Variants in CXCL13 observed in about 807,000 individuals in gnomAD.
CXCL13 encodes C-X-C motif chemokine 13.
Under a neutral mutation model 12.2 loss-of-function variants are expected in CXCL13, and 7 were observed. The ratio of observed to expected loss-of-function variants is 0.57; its 90% CI spans 0.33 to 1.07. CXCL13 has a LOEUF of 1.07. Among genes scored for constraint, CXCL13 ranks in the 50% least tolerant of loss-of-function variants. The pLI is 0.04. For missense variants in CXCL13, 113 were observed against 127.4 expected (o/e 0.89, Z 0.55); for synonymous variants, 47 against 42.4 (o/e 1.11, Z -0.42).
chr4:77,512,145 T>C (rs893198515), intron 1 of CXCL13, among the ~76,000 whole-genome samples: 2 of 152,194 alleles, frequency 1.3e-5, no homozygotes, highest in East Asian at 3.8e-4. Flanking sequence ...TACTTCCATA[T>C]TATTCAATGA....
intron 1 of CXCL13, among the ~76,000 whole-genome samples, chr4:77,534,385 A>G (rs977298315): frequency 4.6e-5 from 7 of 152,208 alleles, no homozygotes; most frequent in African/African-American, 1.7e-4. Flanking sequence ...ATGGCACATC[A>G]TACATGAAAT....
At chr4:77,607,143 A>T (rs2109837954) in intron 1 of CXCL13, among the ~76,000 whole-genome samples, 1 of 152,322 alleles carries the variant, frequency 6.6e-6, no homozygotes, top group Middle Eastern at 3.4e-3. Context: ...CTCTTGAGCC[A>T]GGTCATGTCC....
At chr4:77,590,130 G>A (rs909580418) in intron 1 of CXCL13, among the ~76,000 whole-genome samples, 1 of 152,112 alleles carries the variant, frequency 6.6e-6, no homozygotes, top group African/African-American at 2.4e-5. Flanking sequence ...GTACTGCGTG[G>A]CTCCGGGAAA....
At chr4:77,516,155 A>C (rs969132363) in intron 1 of CXCL13, among the ~76,000 whole-genome samples, 3 of 152,216 alleles carry the variant, frequency 2.0e-5, no homozygotes, top group Admixed American at 1.3e-4. Flanking sequence ...CCAGAGATGA[A>C]GCCCACTTGA....
chr4:77,603,869 C>T (rs1052477425), upstream of CXCL13, among the ~76,000 whole-genome samples: 1 of 152,158 alleles, frequency 6.6e-6, no homozygotes, highest in African/African-American at 2.4e-5. Flanking sequence ...CTACATATAC[C>T]AGGTGCTTTC....
intron 1 of CXCL13, among the ~76,000 whole-genome samples, chr4:77,568,070 C>T (rs1725979635): frequency 6.6e-6 from 1 of 152,158 alleles, no homozygotes; most frequent in South Asian, 2.1e-4. Context: ...CAGGCTGAAC[C>T]CCAATTCTGG....
At chr4:77,607,992 G>C (rs1045310728) in intron 2 of CXCL13, among the ~76,000 whole-genome samples, 157 bp downstream of exon 2, 1 of 152,200 alleles carries the variant, frequency 6.6e-6, no homozygotes, top group African/African-American at 2.4e-5. Context: ...ATAATTAAGA[G>C]CTTAGTTTGC....
intron 1 of CXCL13, among the ~76,000 whole-genome samples, chr4:77,596,154 G>A (rs1221365912): frequency 2.0e-5 from 3 of 152,164 alleles, no homozygotes; most frequent in African/African-American, 4.8e-5. Context: ...CTGTTGTCCC[G>A]GAAGGGAGCT....
chr4:77,544,790 C>A (rs1015272037), intron 1 of CXCL13, among the ~76,000 whole-genome samples: 2 of 152,144 alleles, frequency 1.3e-5, no homozygotes, highest in Non-Finnish European at 2.9e-5. Context: ...GTTGCCATTG[C>A]TTTTGGTATT....
intron 1 of CXCL13, among the ~76,000 whole-genome samples, chr4:77,562,070 G>A (rs987888654): frequency 9.9e-5 from 15 of 152,272 alleles, no homozygotes; most frequent in East Asian, 1.9e-4. Context: ...CCAGGGCTGC[G>A]CTCGAATTCT....
intron 1 of CXCL13, among the ~76,000 whole-genome samples, chr4:77,517,816 T>G (rs1002253366): frequency 1.7e-4 from 26 of 152,230 alleles, no homozygotes; most frequent in Admixed American, 1.6e-3. Flanking sequence ...CATTTAAAGT[T>G]AATATTGTTA....
chr4:77,520,122 G>T (rs1724551255), intron 1 of CXCL13, among the ~76,000 whole-genome samples: 2 of 152,156 alleles, frequency 1.3e-5, no homozygotes, highest in African/African-American at 2.4e-5. Context: ...CTGTAGCCTT[G>T]TAGTATAGTT....
chr4:77,559,603 G>T (rs1432974627), intron 1 of CXCL13, among the ~76,000 whole-genome samples: 4 of 151,964 alleles, frequency 2.6e-5, no homozygotes, highest in African/African-American at 9.7e-5. Context: ...GTGTGTGTGT[G>T]TGTGTGTGAT....
chr4:77,611,009 A>G lies in CXCL13; in HGVS notation c.300A>G (p.Pro100=). The change falls in exon 4 of 4, where the codon CCA becomes CCG. Residue 100 remains proline, a synonymous_variant. Coordinates refer to ENST00000682537, the MANE Select transcript of CXCL13 (RefSeq NM_001371558.1). ...VLRKRSSSTL[P]VPVFKRKIP ...ACAGAAGAAGTTCTTCAACTCTACC[A>G]GTTCCAGTGTTTAAGAGAAAGATTC... 1 of 1,611,502 alleles carries G rather than the reference A, an allele frequency of 6.2e-7. No individual in the cohort carries two copies. Among genetic ancestry groups the G allele is most frequent in the Non-Finnish European group, 8.5e-7 (1 of 1,179,678 alleles).
At chr4:77,580,601 A>C (rs1726305478) in intron 1 of CXCL13, among the ~76,000 whole-genome samples, 1 of 151,866 alleles carries the variant, frequency 6.6e-6, no homozygotes, top group South Asian at 2.1e-4. Context: ...CTGGGATTAC[A>C]GGTGTGAGCC....
At chr4:77,570,549 G>T (rs1251586453) in intron 1 of CXCL13, among the ~76,000 whole-genome samples, 1 of 152,212 alleles carries the variant, frequency 6.6e-6, no homozygotes, top group Non-Finnish European at 1.5e-5. Flanking sequence ...CTCTGCCTGG[G>T]TTCCCACTTT....
chr4:77,569,978 A>G (rs1014594718), intron 1 of CXCL13, among the ~76,000 whole-genome samples: 2 of 152,230 alleles, frequency 1.3e-5, no homozygotes, highest in African/African-American at 4.8e-5. Context: ...CAGCATGCCT[A>G]CAACTATCTG....
rs543962173 is a variant in CXCL13, at chr4:77,594,610, C to G, written c.-42-11214C>G. On this transcript the variant is annotated intron_variant, in intron 1 of 4. Coordinates refer to the CXCL13 transcript ENST00000286758. ...TCTGTTGACAGGCAGCTGGGCAGGT[C>G]CAGGGGCATACTGATGCCAGTGAGG... 7.8e-4 allele frequency among the ~76,000 whole-genome samples: 119 copies of G among 152,240 alleles called. 2 individuals carry two copies. Among genetic ancestry groups the G allele is most frequent in the African/African-American group, 2.8e-3 (116 of 41,520 alleles).
intron 3 of CXCL13, 98 bp from the exon 4 acceptor site, chr4:77,610,890 G>C: frequency 9.2e-7 from 1 of 1,084,456 alleles, no homozygotes. Flanking sequence ...CTAGATGCCA[G>C]TATACATAAG....
Sources: gnomAD v4.1 joint callset for allele counts (sites outside exome capture counted in the v4.1 genomes callset) on GRCh38, gnomAD v4.1.1 for gene constraint, MANE v1.5 for transcripts, NCBI Gene and HGNC (gene_info 2026-07-23, HGNC 2026-07-21) for gene names.